Variants in DEPTOR observed in about 807,000 individuals in gnomAD.
The protein encoded by DEPTOR is DEP domain containing MTOR interacting protein, also known as DEP domain-containing mTOR-interacting protein.
A neutral mutation model predicts 41.6 loss-of-function variants in DEPTOR; 41 were observed. The observed-to-expected ratio is 0.98, with a 90% CI of 0.77 to 1.28. The LOEUF is 1.28. Ranked by LOEUF, DEPTOR falls within the 50% of genes most tolerant of loss-of-function variation. The pLI, the probability that DEPTOR is intolerant of heterozygous loss-of-function variation, is 0.00. For synonymous variants in DEPTOR, 195 were observed against 192.3 expected (o/e 1.01, Z -0.12); for missense variants, 514 against 527.9 (o/e 0.97, Z 0.26).
intron 4 of DEPTOR, among the ~76,000 whole-genome samples, chr8:119,983,334 G>A (rs920125700): frequency 1.3e-5 from 2 of 151,222 alleles, no homozygotes; most frequent in Admixed American, 6.6e-5. Context: ...TACTGCAACC[G>A]AGTAGCTGGG....
intron 1 of DEPTOR, among the ~76,000 whole-genome samples, chr8:119,917,908 C>A (rs1397621162): frequency 1.3e-5 from 2 of 152,244 alleles, no homozygotes; most frequent in African/African-American, 4.8e-5. Context: ...GGCAGCAATA[C>A]TGCTCTTTAA....
intron 3 of DEPTOR, among the ~76,000 whole-genome samples, chr8:119,957,955 T>G (rs1051412622): frequency 6.6e-6 from 1 of 152,184 alleles, no homozygotes; most frequent in Non-Finnish European, 1.5e-5. Flanking sequence ...GTTTATTCCC[T>G]GGAACTTCAG....
At chr8:119,887,132 CCCCCCT>C (rs1827376215) in intron 1 of DEPTOR, among the ~76,000 whole-genome samples, 1 of 12,144 alleles carries the variant, frequency 8.2e-5, no homozygotes, top group Non-Finnish European at 1.9e-4. Context: ...TCCCCTCCCC[CCCCCCT>C]CCCCTCCTCC....
chr8:119,931,148 C>A (rs975408816), intron 3 of DEPTOR, among the ~76,000 whole-genome samples: 3 of 151,968 alleles, frequency 2.0e-5, no homozygotes, highest in African/African-American at 7.3e-5. Context: ...GAGGCAGAGG[C>A]TGCAGTGAGC....
chr8:119,984,668 T>C (rs921882195), intron 4 of DEPTOR, among the ~76,000 whole-genome samples: 1 of 152,228 alleles, frequency 6.6e-6, no homozygotes, highest in Non-Finnish European at 1.5e-5. Flanking sequence ...CAGTCTATCA[T>C]TGAGGGACAT....
chr8:119,980,474 T>TTTTCTTTTCTTTTCTTTTC (rs1253419814), intron 4 of DEPTOR, among the ~76,000 whole-genome samples: 2 of 126,886 alleles, frequency 1.6e-5, no homozygotes, highest in African/African-American at 6.8e-5. Context: ...TTTTCTTTTC[T>TTTTCTTTTCTTTTCTTTTC]TTTCTTTTCT....
intron 4 of DEPTOR, among the ~76,000 whole-genome samples, chr8:119,989,464 G>A (rs868475015): frequency 1.3e-5 from 2 of 152,184 alleles, no homozygotes; most frequent in Non-Finnish European, 1.5e-5. Flanking sequence ...GTCTAGTGTG[G>A]AGGTTCAGGG....
chr8:119,947,370 T>C (rs1828293035), intron 3 of DEPTOR, among the ~76,000 whole-genome samples: 1 of 152,320 alleles, frequency 6.6e-6, no homozygotes, highest in Middle Eastern at 3.4e-3. Flanking sequence ...CTTTCAATCA[T>C]ATTCTGCTTT....
intron 8 of DEPTOR, among the ~76,000 whole-genome samples, chr8:120,018,436 C>T (rs748111815): frequency 1.1e-4 from 17 of 152,066 alleles, no homozygotes; most frequent in African/African-American, 1.7e-4. Flanking sequence ...AAAATTAGCA[C>T]GGCCTGGTAA....
At chr8:119,932,363 T>C (rs1304418968) in intron 3 of DEPTOR, among the ~76,000 whole-genome samples, 1 of 152,130 alleles carries the variant, frequency 6.6e-6, no homozygotes, top group African/African-American at 2.4e-5. Context: ...TAATTGAAAA[T>C]GTCTGGCAGA....
At chr8:119,968,740 C>A (rs1828595415) in intron 4 of DEPTOR, among the ~76,000 whole-genome samples, 1 of 152,048 alleles carries the variant, frequency 6.6e-6, no homozygotes, top group Non-Finnish European at 1.5e-5. Context: ...GTAGTAATGT[C>A]CAAATGGATA....
At chr8:119,962,569 A>T (rs1423965325) in intron 3 of DEPTOR, among the ~76,000 whole-genome samples, 4 of 152,176 alleles carry the variant, frequency 2.6e-5, no homozygotes, top group African/African-American at 4.8e-5. Flanking sequence ...CGCATACTTT[A>T]TAGGCTATGT....
intron 1 of DEPTOR, among the ~76,000 whole-genome samples, chr8:119,887,150 C>T (rs1414189484): frequency 1.3e-5 from 1 of 74,124 alleles, no homozygotes; most frequent in African/African-American, 5.3e-5. Flanking sequence ...CCCTCCTCCC[C>T]TCCCCTCCCC....
intron 8 of DEPTOR, among the ~76,000 whole-genome samples, chr8:120,018,381 C>T (rs1052788071): frequency 2.0e-5 from 3 of 152,134 alleles, no homozygotes; most frequent in African/African-American, 7.2e-5. Flanking sequence ...AGTTCGAGAC[C>T]AGCCTGGCCA....
intron 1 of DEPTOR, among the ~76,000 whole-genome samples, chr8:119,926,315 C>A (rs1011576700): frequency 1.3e-5 from 2 of 152,120 alleles, no homozygotes; most frequent in African/African-American, 4.8e-5. Context: ...ACACAACTAG[C>A]TTTCCCTAGA....
At chr8:119,993,024 C>A (rs1052526030) in intron 4 of DEPTOR, among the ~76,000 whole-genome samples, 6 of 152,106 alleles carry the variant, frequency 3.9e-5, no homozygotes, top group African/African-American at 1.4e-4. Context: ...CATCCTTGGA[C>A]TACATGCATG....
At chr8:119,956,984 G>A (rs1289738713) in intron 3 of DEPTOR, among the ~76,000 whole-genome samples, 1 of 152,054 alleles carries the variant, frequency 6.6e-6, no homozygotes, top group Non-Finnish European at 1.5e-5. Context: ...TGATCTACCT[G>A]CCTTGGCCTC....
intron 1 of DEPTOR, among the ~76,000 whole-genome samples, chr8:119,893,636 T>A (rs1448242925): frequency 1.3e-5 from 2 of 152,100 alleles, no homozygotes; most frequent in Non-Finnish European, 2.9e-5. Flanking sequence ...TGAGACCAGC[T>A]TGACCAACAT....
chr8:119,965,436 G>T (rs1380568579), intron 4 of DEPTOR, 26 bp downstream of exon 4: 4 of 1,601,550 alleles, frequency 2.5e-6, no homozygotes, highest in Admixed American at 1.7e-5. Flanking sequence ...AGCTTTTGCT[G>T]CAGGAACAAA....
Sources: allele counts gnomAD v4.1 joint callset (sites outside exome capture counted in the v4.1 genomes callset), GRCh38; gene constraint gnomAD v4.1.1; transcripts MANE v1.5; gene names NCBI Gene and HGNC (gene_info 2026-07-23, HGNC 2026-07-21).